Variants in C2orf81 observed in about 807,000 individuals in gnomAD.
C2orf81 encodes the protein uncharacterized protein C2orf81.
C2orf81 carries 5 observed loss-of-function variants against 7.9 expected under a neutral mutation model. The ratio of observed to expected loss-of-function variants is 0.63; its 90% CI spans 0.33 to 1.33. C2orf81 has a LOEUF of 1.33. Among genes scored for constraint, C2orf81 ranks in the 40% most tolerant of loss-of-function variants. The pLI, the probability that C2orf81 is intolerant of heterozygous loss-of-function variation, is 0.05. For synonymous variants in C2orf81, 346 were observed against 367.4 expected, an observed-to-expected ratio of 0.94 and a Z score of 0.66; for missense variants, 781 against 830.4, an observed-to-expected ratio of 0.94 and a Z score of 0.73.
rs1015854698 is a variant in C2orf81, at chr2:74,416,105, G to A, written c.155C>T (p.Ala52Val). The change falls in exon 2 of 3, where the codon GCC (alanine) becomes GTC (valine). Residue 52 changes from alanine to valine, a missense_variant. Coordinates refer to ENST00000684111, the MANE Select transcript of C2orf81 (RefSeq NM_001316764.3). ...TACGACGTCCTCGCCCTCCTCGAGG[G>A]CTGTAAGCGCCATCCACTCGGCCTC... The part of the protein sequence containing the change: ...LSEAEWMALT[A>V]LEEGEDVVGD... 11 of 1,539,942 alleles carry A rather than the reference G, an allele frequency of 7.1e-6. No homozygotes were observed. The African/African-American group carries it at 1.5e-4, about 21-fold the overall frequency.
chr2:74,418,319 C>G, intron 1 of C2orf81: 1 of 1,605,852 alleles, frequency 6.2e-7, no homozygotes, highest in South Asian at 1.1e-5. Context: ...TGACTCCCTA[C>G]CAGCGCTGTC....
chr2:74,417,431 C>T, intron 1 of C2orf81: 3 of 1,310,752 alleles, frequency 2.3e-6, no homozygotes, highest in Non-Finnish European at 3.0e-6. Flanking sequence ...TACTCAGATC[C>T]CAGGCAGACG....
In C2orf81 at chr2:74,414,622, C is replaced by T. The variant is rs755799323; in HGVS notation, c.1555G>A (p.Ala519Thr). 6 of 1,550,092 alleles carry T rather than the reference C, an allele frequency of 3.9e-6. No individual in the cohort carries two copies. Among genetic ancestry groups the T allele is most frequent in the Non-Finnish European group, 5.2e-6 (6 of 1,146,006 alleles). ...GKAELLGELW[A>T]GRTRVPPQGL... ...TGTGGAGGCACGCGGGTCCGGCCAG[C>T]CCACAGCTCGCCCAGCAGCTCGGCC... Residue 519 changes from alanine to threonine, a missense_variant, in exon 3 of 3, where the codon GCT (alanine) becomes ACT (threonine). By Grantham distance (58) the Ala-to-Thr change is moderately conservative. Transcript: ENST00000684111. The surrounding 1 kb of genome is among the most constrained non-coding windows in gnomAD (Gnocchi z 5.3).
At chr2:74,418,160 C>T in intron 1 of C2orf81, 1 of 1,004,398 alleles carries the variant, frequency 1.0e-6, no homozygotes, top group Non-Finnish European at 1.5e-6. Context: ...ATGCCCTTCT[C>T]TTCCTCCTTC....
chr2:74,417,440 C>G (rs940508952), intron 1 of C2orf81: 4 of 1,310,788 alleles, frequency 3.1e-6, no homozygotes, highest in East Asian at 1.0e-4. Flanking sequence ...CCCAGGCAGA[C>G]GGTAAGGGGG....
Position 74,414,220 on chromosome 2 carries a change from G to A in C2orf81, c.*109C>T. The stretch of plus-strand genomic sequence containing the variant: ...AGGTGTTTATTTCTGGCTAGCAGAG[G>A]GAGGGACCAGTTACTACTGCCAGAG... On this transcript the variant is annotated 3_prime_UTR_variant, in exon 3 of 3. Transcript: ENST00000684111. This position sits in a 1 kb window ranked among gnomAD's most constrained non-coding sequence, Gnocchi z 5.3. 2 of 1,125,630 alleles carry A rather than the reference G, an allele frequency of 1.8e-6. No homozygotes were observed. Among genetic ancestry groups the A allele is most frequent in the Non-Finnish European group, 2.4e-6 (2 of 846,638 alleles). 69.7% of individuals were successfully genotyped at this position (1,125,630 alleles called of 1,614,324 possible).
At position 74,414,538 on chromosome 2, in the gene C2orf81, G is replaced by T. The variant is rs1034976985; in HGVS notation, c.1639C>A (p.Pro547Thr). Residue 547 changes from proline to threonine, a missense_variant, in exon 3 of 3, where the codon CCC becomes ACC. Coordinates refer to ENST00000684111, the MANE Select transcript of C2orf81 (RefSeq NM_001316764.3). The surrounding 1 kb of genome is among the most constrained non-coding windows in gnomAD (Gnocchi z 5.3). ...TGGGAAGTGGCTTCAAGGACCGGGG[G>T]TGTGGTTCGAGGCCATCTGCCAGGA... ...QDPGRWPRTT[P>T]PVLEATSQVM... The T allele has an allele frequency of 6.5e-7, 1 of 1,543,432 alleles. No individual in the cohort carries two copies.
chr2:74,416,180 G>T lies in C2orf81; in HGVS notation c.80C>A (p.Pro27Gln). The change falls in exon 2 of 3, where the codon CCG (proline) becomes CAG (glutamine). Residue 27 changes from proline to glutamine, a missense_variant. By Grantham distance (76) the Pro-to-Gln change is moderately conservative. Transcript: ENST00000684111. Reference protein sequence around the residue: ...VTRSKAEKVRPPTVPVPQVDI... With the variant: ...VTRSKAEKVRQPTVPVPQVDI... ...CACCTGCGGCACTGGCACAGTGGGC[G>T]GCCGCACTTTTTCCGCCTTGGACCG... 6.8e-7 allele frequency: 1 copy of T among 1,466,944 alleles called. No individual in the cohort carries two copies. The highest frequency in any genetic ancestry group is 9.1e-7 in the Non-Finnish European group (1 of 1,094,620). The allele number at this position is 1,466,944 out of a possible 1,614,324, so 90.9% of individuals were successfully genotyped here. A position where few individuals can be genotyped will look rare whatever the true frequency, so the allele number is the denominator to read the frequency against.
chr2:74,420,772 C>CTTTTTTTTTTTTTT (rs745827470), intron 1 of C2orf81, among the ~76,000 whole-genome samples: 3 of 72,704 alleles, frequency 4.1e-5, no homozygotes, highest in African/African-American at 1.1e-4. Context: ...TCTTCTTCTT[C>CTTTTTTTTTTTTTT]TTTTTTTTTT....
intron 1 of C2orf81, chr2:74,417,749 A>G: frequency 1.9e-6 from 1 of 523,640 alleles, no homozygotes; most frequent in Non-Finnish European, 3.3e-6. Flanking sequence ...CAGAGGCAAC[A>G]GTGGAGGAGC....
At chr2:74,419,774 G>GTTTGTT (rs1676551762) in intron 1 of C2orf81, among the ~76,000 whole-genome samples, 1 of 151,978 alleles carries the variant, frequency 6.6e-6, no homozygotes, top group East Asian at 1.9e-4. Flanking sequence ...TTTTTTGTTT[G>GTTTGTT]TTTGTTTTTG....
intron 1 of C2orf81, among the ~76,000 whole-genome samples, 152 bp downstream of exon 1, chr2:74,421,391 A>G (rs1676608919): frequency 6.6e-6 from 1 of 152,176 alleles, no homozygotes; most frequent in Non-Finnish European, 1.5e-5. Context: ...CTGCCCGAGT[A>G]CCGACGTGGC....
Position 74,421,606 on chromosome 2 carries a change from C to G in C2orf81, c.-46G>C, listed in dbSNP as rs767200067. On this transcript the variant is annotated 5_prime_UTR_variant, in exon 1 of 3. Coordinates refer to ENST00000684111, the MANE Select transcript of C2orf81 (RefSeq NM_001316764.3). The stretch of plus-strand genomic sequence containing the variant: ...CGCTGGTGTTTCTGCTGCATCCGGG[C>G]CGCGTAAGCCACCTAACAGTCGCCT... 4 of 426,674 alleles carry G rather than the reference C, an allele frequency of 9.4e-6. No homozygotes were observed. The highest frequency in any genetic ancestry group is 8.6e-5 in the Admixed American group (2 of 23,196). The allele number at this position is 426,674 out of a possible 1,614,324, so 26.4% of individuals were successfully genotyped here. A position where few individuals can be genotyped will look rare whatever the true frequency, so the allele number is the denominator to read the frequency against.
At chr2:74,420,218 G>A (rs558631964) in intron 1 of C2orf81, among the ~76,000 whole-genome samples, 1 of 151,698 alleles carries the variant, frequency 6.6e-6, no homozygotes, top group East Asian at 1.9e-4. Context: ...CAGAGGATAC[G>A]TTTCCTTCCT....
In C2orf81 at chr2:74,414,745, G is replaced by A. The variant is rs1296574914; in HGVS notation, c.1432C>T (p.Arg478Cys). The change falls in exon 3 of 3, where the codon CGC (arginine) becomes TGC (cysteine). Residue 478 changes from arginine (R) to cysteine (C), a missense_variant. Transcript: ENST00000684111. The surrounding 1 kb of genome is among the most constrained non-coding windows in gnomAD (Gnocchi z 5.3). Reference sequence around the variant, plus strand: ...AGCACCGGGTGTGTGGTGAGGAAGCGGATCCTGGAGTTTGGGAGTGGCAGC... The same window carrying A: ...AGCACCGGGTGTGTGGTGAGGAAGCAGATCCTGGAGTTTGGGAGTGGCAGC... ...SKLPLPNSRI[R>C]FLTTHPVLPD... 4 of 1,550,474 alleles carry A rather than the reference G, an allele frequency of 2.6e-6. No homozygotes were observed. The highest frequency in any genetic ancestry group is 3.5e-6 in the Non-Finnish European group (4 of 1,146,214).
Position 74,415,427 on chromosome 2 carries a change from G to C in C2orf81, c.750C>G (p.Leu250=). 2 of 1,532,866 alleles carry C rather than the reference G, an allele frequency of 1.3e-6. No homozygotes were observed. Among genetic ancestry groups the C allele is most frequent in the Non-Finnish European group, 1.8e-6 (2 of 1,134,488 alleles). 95.0% of individuals were successfully genotyped at this position (1,532,866 alleles called of 1,614,324 possible). ...TCGCGCTCAAGGACCCGGCCGAGGAGAGGCCTCTAGACTGGCCGTCCGCTT... is the reference window on the plus strand; with the variant it reads ...TCGCGCTCAAGGACCCGGCCGAGGACAGGCCTCTAGACTGGCCGTCCGCTT... ...VEEADGQSRG[L]SSAGSLSASF... Residue 250 remains leucine, a synonymous_variant, in exon 3 of 3, where the codon CTC becomes CTG. Transcript: ENST00000684111. The surrounding 1 kb of genome is among the most constrained non-coding windows in gnomAD (Gnocchi z 5.5).
In C2orf81 at chr2:74,415,407, C is replaced by A; in HGVS notation, c.770G>T (p.Ser257Ile). The A allele has an allele frequency of 6.5e-7, 1 of 1,528,608 alleles. No individual in the cohort carries two copies. Among genetic ancestry groups the A allele is most frequent in the South Asian group, 1.2e-5 (1 of 82,040 alleles). The allele number at this position is 1,528,608 out of a possible 1,614,324, so 94.7% of individuals were successfully genotyped here. A position where few individuals can be genotyped will look rare whatever the true frequency, so the allele number is the denominator to read the frequency against. ...CTCCACCGACAGTTGGAAGCTCGCG[C>A]TCAAGGACCCGGCCGAGGAGAGGCC... The part of the protein sequence containing the change: ...SRGLSSAGSL[S>I]ASFQLSVEEA... Residue 257 changes from serine (S) to isoleucine (I), a missense_variant, in exon 3 of 3, where the codon AGC becomes ATC. Coordinates refer to ENST00000684111, the MANE Select transcript of C2orf81 (RefSeq NM_001316764.3). This position sits in a 1 kb window ranked among gnomAD's most constrained non-coding sequence, Gnocchi z 5.5.
Position 74,421,618 on chromosome 2 carries a change from C to A in C2orf81, c.-58G>T. On this transcript the variant is annotated 5_prime_UTR_variant, in exon 1 of 3. Coordinates refer to ENST00000684111, the MANE Select transcript of C2orf81 (RefSeq NM_001316764.3). ...TGCTGCATCCGGGCCGCGTAAGCCA[C>A]CTAACAGTCGCCTGGGCAACCACGG... 1 of 439,446 alleles carries A rather than the reference C, an allele frequency of 2.3e-6. No homozygotes were observed. The highest frequency in any genetic ancestry group is 4.1e-6 in the Non-Finnish European group (1 of 245,158). 27.2% of individuals were successfully genotyped at this position (439,446 alleles called of 1,614,324 possible).
chr2:74,418,678 G>T, intron 1 of C2orf81: 1 of 530,068 alleles, frequency 1.9e-6, no homozygotes, highest in Non-Finnish European at 3.4e-6. Flanking sequence ...CCCGGCTCAG[G>T]GGAGCTTAAA....
Sources: allele counts gnomAD v4.1 joint callset (sites outside exome capture counted in the v4.1 genomes callset), GRCh38; gene constraint gnomAD v4.1.1; non-coding constraint Gnocchi (gnomAD v3.1); transcripts MANE v1.5; gene names NCBI Gene and HGNC (gene_info 2026-07-23, HGNC 2026-07-21).